CNTN4: variants seen among roughly 807,000 people sequenced by gnomAD.
CNTN4 encodes contactin 4, also known as contactin-4.
In CNTN4, 77 loss-of-function variants were observed where a neutral mutation model predicts 122.5. That is an observed-to-expected ratio of 0.63 (90% CI 0.52 to 0.76). The LOEUF (loss-of-function observed/expected upper bound fraction) is 0.76, where lower values mean the gene tolerates loss of function less well. Among genes scored for constraint, CNTN4 ranks in the 30% least tolerant of loss-of-function variants. The pLI is 0.00. For missense variants in CNTN4, 1,256 were observed against 1,259.1 expected, an observed-to-expected ratio of 1.00 and a Z score of 0.04; for synonymous variants, 512 against 447.0, an observed-to-expected ratio of 1.15 and a Z score of -1.83.
At chr3:2,099,973 C>T (rs1291965227) in intron 1 of CNTN4, among the ~76,000 whole-genome samples, 1 of 152,196 alleles carries the variant, frequency 6.6e-6, no homozygotes, top group African/African-American at 2.4e-5. Flanking sequence ...GAGTCGGCTG[C>T]ATGGAAACAT....
intron 14 of CNTN4, among the ~76,000 whole-genome samples, chr3:2,992,883 A>G (rs983746474): frequency 1.3e-5 from 2 of 152,204 alleles, no homozygotes; most frequent in Non-Finnish European, 2.9e-5. Context: ...ACAGTTCAGT[A>G]GAGTGCATAT....
At chr3:2,699,413 G>A (rs769207248) in intron 4 of CNTN4, among the ~76,000 whole-genome samples, 24 of 152,140 alleles carry the variant, frequency 1.6e-4, no homozygotes, top group African/African-American at 5.6e-4. Context: ...AAAGTCATGT[G>A]CAACTTCATG....
At chr3:2,276,722 T>C (rs2041523515) in intron 2 of CNTN4, among the ~76,000 whole-genome samples, 1 of 152,130 alleles carries the variant, frequency 6.6e-6, no homozygotes, top group Admixed American at 6.6e-5. Context: ...AAGGGATTTG[T>C]CTGGCCAACA....
chr3:2,547,428 G>C (rs1035150444), intron 3 of CNTN4, among the ~76,000 whole-genome samples: 1 of 151,884 alleles, frequency 6.6e-6, no homozygotes, highest in Non-Finnish European at 1.5e-5. Context: ...ACCATGCCCA[G>C]CTAATTTTTG....
chr3:2,969,709 G>C (rs1692705635), intron 13 of CNTN4, among the ~76,000 whole-genome samples: 1 of 152,076 alleles, frequency 6.6e-6, no homozygotes, highest in Non-Finnish European at 1.5e-5. Flanking sequence ...ATTGGTCATG[G>C]ACAGGCTAAA....
intron 2 of CNTN4, among the ~76,000 whole-genome samples, chr3:2,144,508 A>G (rs1286294823): frequency 2.0e-5 from 3 of 152,204 alleles, no homozygotes; most frequent in African/African-American, 7.2e-5. Flanking sequence ...TTGGCTGGAC[A>G]CACAGATCAA....
chr3:2,385,141 C>T lies in CNTN4; in HGVS notation c.-89+45908C>T, dbSNP rs2046198328. ...GTTAAAAGTATAAACATATCATTTTCTACTTTAAACCATAATCCATAACTC... is the reference window on the plus strand; with the variant it reads ...GTTAAAAGTATAAACATATCATTTTTTACTTTAAACCATAATCCATAACTC... On this transcript the variant is annotated intron_variant, in intron 3 of 24. Transcript: ENST00000418658. This position sits in a 1 kb window ranked among gnomAD's most constrained non-coding sequence, Gnocchi z 4.0. Among the ~76,000 whole-genome samples, 1 of 152,158 alleles carries T rather than the reference C, an allele frequency of 6.6e-6. No individual in the cohort carries two copies. The highest frequency in any genetic ancestry group is 2.4e-5 in the African/African-American group (1 of 41,436).
chr3:2,167,783 C>T (rs973634404), intron 2 of CNTN4, among the ~76,000 whole-genome samples: 7 of 152,132 alleles, frequency 4.6e-5, no homozygotes, highest in African/African-American at 1.7e-4. Flanking sequence ...TTTAATATGT[C>T]CACTTGGCTT....
intron 4 of CNTN4, among the ~76,000 whole-genome samples, chr3:2,604,807 A>G (rs73110680): frequency 7.2e-5 from 11 of 152,302 alleles, no homozygotes; most frequent in African/African-American, 2.6e-4. Flanking sequence ...CATCACCTCC[A>G]TAAGTTTTCT....
At chr3:2,393,968 A>C (rs968349108) in intron 3 of CNTN4, among the ~76,000 whole-genome samples, 8 of 152,064 alleles carry the variant, frequency 5.3e-5, no homozygotes, top group Non-Finnish European at 1.0e-4. Context: ...TGGGTGCAAA[A>C]GTAATTGTGG....
intron 4 of CNTN4, among the ~76,000 whole-genome samples, chr3:2,638,993 T>C (rs1236489792): frequency 1.3e-5 from 2 of 152,214 alleles, no homozygotes; most frequent in Non-Finnish European, 2.9e-5. Context: ...CTCATTGGTC[T>C]GCCTTTTACT....
At chr3:2,702,421 C>T (rs995272843) in intron 4 of CNTN4, among the ~76,000 whole-genome samples, 1 of 152,224 alleles carries the variant, frequency 6.6e-6, no homozygotes, top group African/African-American at 2.4e-5. Flanking sequence ...AGCATATTTT[C>T]ATTATAATAT....
chr3:2,737,782 C>G (rs2149500265), intron 5 of CNTN4, among the ~76,000 whole-genome samples: 1 of 152,200 alleles, frequency 6.6e-6, no homozygotes, highest in East Asian at 1.9e-4. Flanking sequence ...AGAACATCTC[C>G]CAGAATAAAC....
rs1698698668 is a variant in CNTN4 at position 3,026,146 on chromosome 3, G to A, written c.1531G>A (p.Val511Ile). The A allele has an allele frequency of 1.2e-6, 2 of 1,613,420 alleles. No homozygotes were observed. The highest frequency in any genetic ancestry group is 4.5e-5 in the East Asian group (2 of 44,872). Reference sequence around the variant, plus strand: ...ACCCCCTTCCAGTATGGATGTCACTGTTGGAGAGAGTATTGTTTTACCGTG... The same window carrying A: ...ACCCCCTTCCAGTATGGATGTCACTATTGGAGAGAGTATTGTTTTACCGTG... ...MVPPSSMDVT[V>I]GESIVLPCQV... Residue 511 changes from valine to isoleucine, a missense_variant, in exon 15 of 25, where the codon GTT (valine) becomes ATT (isoleucine). Physicochemically the swap from Val to Ile is conservative, Grantham distance 29. Coordinates refer to ENST00000418658, the MANE Select transcript of CNTN4 (RefSeq NM_175607.3).
chr3:2,635,296 T>C (rs568128292), intron 4 of CNTN4, among the ~76,000 whole-genome samples: 2 of 152,220 alleles, frequency 1.3e-5, no homozygotes, highest in South Asian at 2.1e-4. Context: ...GTGTGAGATA[T>C]TGAGATACCA....
At chr3:2,581,312 AC>A (rs1257634087) in intron 4 of CNTN4, among the ~76,000 whole-genome samples, 3 of 152,078 alleles carry the variant, frequency 2.0e-5, no homozygotes, top group African/African-American at 7.2e-5. Context: ...TTTAGAATCC[AC>A]TGGTCTGACC....
At chr3:2,571,782 C>T (rs1296912093) in intron 4 of CNTN4, among the ~76,000 whole-genome samples, 1 of 152,150 alleles carries the variant, frequency 6.6e-6, no homozygotes, top group Non-Finnish European at 1.5e-5. Context: ...ACCTGTCTAT[C>T]TGGTCCTTTT....
At chr3:2,375,720 T>A (rs2045791177) in intron 3 of CNTN4, among the ~76,000 whole-genome samples, 2 of 152,206 alleles carry the variant, frequency 1.3e-5, no homozygotes, top group Non-Finnish European at 2.9e-5. Flanking sequence ...CTTCAGTCAC[T>A]ATTTTTATAT....
intron 3 of CNTN4, among the ~76,000 whole-genome samples, chr3:2,358,369 C>T (rs1431039804): frequency 2.0e-5 from 3 of 151,960 alleles, no homozygotes. Context: ...CAGTGCTTGG[C>T]ATAGGAAGCA....
Sources: allele counts gnomAD v4.1 joint callset (sites outside exome capture counted in the v4.1 genomes callset), GRCh38; gene constraint gnomAD v4.1.1; non-coding constraint Gnocchi (gnomAD v3.1); transcripts MANE v1.5; gene names NCBI Gene and HGNC (gene_info 2026-07-23, HGNC 2026-07-21).